The following CRACDL variants were observed in gnomAD, a reference collection of about 807,000 sequenced individuals.
CRACDL encodes CRACD like, also known as CRACD-like protein.
In CRACDL, 26 loss-of-function variants were observed where a neutral mutation model predicts 70.6. The ratio of observed to expected loss-of-function variants is 0.37; its 90% confidence interval spans 0.27 to 0.51. CRACDL has a LOEUF of 0.51. Among genes scored for constraint, CRACDL ranks in the 20% least tolerant of loss-of-function variants. The pLI is 0.94. For missense variants in CRACDL, 1,283 were observed against 1,376.9 expected (o/e 0.93, Z 1.08); for synonymous variants, 618 against 615.2 (o/e 1.00, Z -0.07).
At chr2:98,929,474 G>A (rs1357817083) in intron 1 of CRACDL, among the ~76,000 whole-genome samples, 3 of 152,132 alleles carry the variant, frequency 2.0e-5, no homozygotes, top group Admixed American at 1.3e-4. Flanking sequence ...GTGGGACGGG[G>A]GAGCCGCCTC....
intron 7 of CRACDL, 76 bp from the exon 8 acceptor site, chr2:98,797,613 G>A: frequency 7.2e-7 from 1 of 1,390,650 alleles, no homozygotes; most frequent in Non-Finnish European, 1.0e-6. Context: ...CTCCTGCACA[G>A]AGAACACTAC....
chr2:98,840,986 A>T (rs1465540481), intron 2 of CRACDL, among the ~76,000 whole-genome samples: 1 of 152,118 alleles, frequency 6.6e-6, no homozygotes, highest in African/African-American at 2.4e-5. Flanking sequence ...TGGATTTTCA[A>T]ATTTGAGACC....
At chr2:98,809,090 A>C (rs1255672529) in intron 7 of CRACDL, among the ~76,000 whole-genome samples, 3 of 152,146 alleles carry the variant, frequency 2.0e-5, no homozygotes, top group African/African-American at 7.2e-5. Flanking sequence ...CTTTTGTTAT[A>C]ATCAGTTTTA....
chr2:98,827,746 C>G (rs1010573729), intron 5 of CRACDL, among the ~76,000 whole-genome samples: 1 of 152,204 alleles, frequency 6.6e-6, no homozygotes, highest in Non-Finnish European at 1.5e-5. Context: ...CCCTGTCACC[C>G]TCCCATGGTG....
chr2:98,862,079 T>C (rs2104574495), intron 1 of CRACDL, among the ~76,000 whole-genome samples: 1 of 152,310 alleles, frequency 6.6e-6, no homozygotes, highest in East Asian at 1.9e-4. Flanking sequence ...TCCTTCACTT[T>C]TCTTGTTTCT....
At chr2:98,899,169 G>T (rs1035685204) in intron 1 of CRACDL, among the ~76,000 whole-genome samples, 49 of 152,194 alleles carry the variant, frequency 3.2e-4, no homozygotes, top group Non-Finnish European at 1.0e-4. Flanking sequence ...CTGCCACCAT[G>T]CAAACCAGAC....
chr2:98,869,372 C>T (rs1022757219), intron 1 of CRACDL: 6 of 902,084 alleles, frequency 6.7e-6, no homozygotes, highest in Non-Finnish European at 8.7e-6. Flanking sequence ...AAAAGGCCGT[C>T]TAAGAAACGC....
intron 7 of CRACDL, among the ~76,000 whole-genome samples, chr2:98,818,273 C>T (rs931531543): frequency 6.6e-6 from 1 of 152,224 alleles, no homozygotes; most frequent in African/African-American, 2.4e-5. Context: ...TCCAGCACAG[C>T]CCCTGTGAGG....
chr2:98,861,006 G>A (rs1706913299), intron 1 of CRACDL, among the ~76,000 whole-genome samples: 1 of 152,176 alleles, frequency 6.6e-6, no homozygotes, highest in African/African-American at 2.4e-5. Context: ...GCAAATGAAT[G>A]GCTAATAAGT....
At chr2:98,824,432 A>T (rs1705225875) in intron 6 of CRACDL, among the ~76,000 whole-genome samples, 1 of 152,144 alleles carries the variant, frequency 6.6e-6, no homozygotes, top group South Asian at 2.1e-4. Context: ...GCCTTGTGAT[A>T]GTCTTCTTCT....
chr2:98,832,242 A>G (rs1705572394), intron 5 of CRACDL, 106 bp downstream of exon 5: 1 of 1,256,222 alleles, frequency 8.0e-7, no homozygotes, highest in South Asian at 1.2e-5. Flanking sequence ...TGGCCACACC[A>G]TGCACAGCCT....
intron 7 of CRACDL, among the ~76,000 whole-genome samples, chr2:98,819,500 G>A (rs756669473): frequency 2.6e-5 from 4 of 152,102 alleles, no homozygotes; most frequent in Non-Finnish European, 4.4e-5. Context: ...TCCAGATTCC[G>A]CACTGATTAT....
intron 2 of CRACDL, among the ~76,000 whole-genome samples, chr2:98,841,938 C>T (rs1043136454): frequency 1.4e-4 from 22 of 152,032 alleles, no homozygotes; most frequent in African/African-American, 5.3e-4. Flanking sequence ...TACTTTTTTG[C>T]TCCTGTCCAG....
At chr2:98,891,335 C>T (rs566868795) in intron 1 of CRACDL, among the ~76,000 whole-genome samples, 2 of 130,780 alleles carry the variant, frequency 1.5e-5, no homozygotes, top group African/African-American at 3.0e-5. Flanking sequence ...CAAGATCACG[C>T]TACTGCACTC....
chr2:98,823,215 T>A lies in CRACDL; in HGVS notation c.1058A>T (p.Glu353Val). Residue 353 changes from glutamate to valine, a missense_variant, in exon 7 of 10, where the codon GAG becomes GTG. Glu to Val is a moderately radical substitution (Grantham distance 121). Transcript: ENST00000397899. This position sits in a 1 kb window ranked among gnomAD's most constrained non-coding sequence, Gnocchi z 4.0. ...GGGGCCCTCCGGCGGGGACGGGGGC[T>A]CCACGCGGAGAGTGGGGGCCGACTC... The part of the protein sequence containing the change: ...EPESAPTLRV[E>V]PPSPPEGPPN... 3 of 1,420,532 alleles carry A rather than the reference T, an allele frequency of 2.1e-6. No homozygotes were observed. Among genetic ancestry groups the A allele is most frequent in the African/African-American group, 1.5e-5 (1 of 66,526 alleles). 88.0% of individuals were successfully genotyped at this position (1,420,532 alleles called of 1,614,324 possible).
rs1374333751 is a variant in CRACDL at position 98,864,995 on chromosome 2, G to A, written c.-10-18185C>T. On this transcript the variant is annotated intron_variant, in intron 1 of 9. Transcript: ENST00000397899. ...AACTCACACTGAAACAACTGTTACA[G>A]GAAGAGGGATGCAATCTCATGGAGA... 3.3e-5 allele frequency among the ~76,000 whole-genome samples: 5 copies of A among 152,240 alleles called. No homozygotes were observed. The South Asian group carries it at 8.3e-4, about 25-fold the overall frequency.
chr2:98,806,295 C>A (rs1194800546), intron 7 of CRACDL, among the ~76,000 whole-genome samples: 1 of 152,238 alleles, frequency 6.6e-6, no homozygotes, highest in Admixed American at 6.5e-5. Flanking sequence ...AAAGAAAAAA[C>A]AATCGTTGAG....
intron 1 of CRACDL, among the ~76,000 whole-genome samples, chr2:98,880,258 GC>G (rs1332350573): frequency 6.6e-6 from 1 of 152,190 alleles, no homozygotes; most frequent in Non-Finnish European, 1.5e-5. Context: ...GACGGGCTGT[GC>G]TGATCAGACA....
intron 7 of CRACDL, 47 bp downstream of exon 7, chr2:98,821,810 G>C: frequency 1.3e-6 from 2 of 1,585,654 alleles, no homozygotes; most frequent in Non-Finnish European, 1.7e-6. Context: ...CCGTGGATGT[G>C]GATCTCCCCA....
Sources: gnomAD v4.1 joint callset for allele counts (sites outside exome capture counted in the v4.1 genomes callset) on GRCh38, gnomAD v4.1.1 for gene constraint, Gnocchi (gnomAD v3.1) non-coding constraint, MANE v1.5 for transcripts, NCBI Gene and HGNC (gene_info 2026-07-23, HGNC 2026-07-21) for gene names.